Variants in GNG7 observed in about 807,000 individuals in gnomAD.
GNG7 encodes G protein subunit gamma 7.
Under a neutral mutation model 4.0 loss-of-function variants are expected in GNG7, and 1 was observed. The observed-to-expected ratio is 0.25, with a 90% confidence interval of 0.09 to 1.18. The LOEUF is 1.18. GNG7 is among the 50% of genes most tolerant of loss of function. GNG7 has a pLI of 0.50. For synonymous variants in GNG7, 34 were observed against 36.9 expected (o/e 0.92, Z 0.29); for missense variants, 86 against 91.9 (o/e 0.94, Z 0.26).
chr19:2,642,584 T>C (rs1982537528), intron 2 of GNG7: 1 of 359,884 alleles, frequency 2.8e-6, no homozygotes, highest in Non-Finnish European at 5.5e-6. Context: ...TGGGCTGGTC[T>C]CAAACTCTCA....
chr19:2,678,416 G>T (rs1257630241), intron 1 of GNG7, among the ~76,000 whole-genome samples: 4 of 152,188 alleles, frequency 2.6e-5, no homozygotes, highest in African/African-American at 9.7e-5. Flanking sequence ...CTGGGCTTGG[G>T]CACGGAGTCA....
intron 1 of GNG7, among the ~76,000 whole-genome samples, chr19:2,646,814 G>A (rs1308682517): frequency 6.6e-6 from 1 of 152,240 alleles, no homozygotes; most frequent in African/African-American, 2.4e-5. Flanking sequence ...TGCAAGGATT[G>A]ATGTTTCTAC....
chr19:2,554,334 G>A (rs989669685), intron 3 of GNG7, among the ~76,000 whole-genome samples: 1 of 148,726 alleles, frequency 6.7e-6, no homozygotes, highest in African/African-American at 2.5e-5. Flanking sequence ...TGACAGGCAC[G>A]TGCCACCACA....
intron 2 of GNG7, among the ~76,000 whole-genome samples, chr19:2,559,191 T>G (rs1396621846): frequency 6.6e-6 from 1 of 152,122 alleles, no homozygotes; most frequent in African/African-American, 2.4e-5. Context: ...GTTGATTAGA[T>G]TCTCATTATT....
intron 2 of GNG7, among the ~76,000 whole-genome samples, chr19:2,599,780 T>C (rs1330853835): frequency 1.3e-5 from 2 of 151,590 alleles, no homozygotes; most frequent in East Asian, 3.9e-4. Context: ...CTACTAAAAA[T>C]ACAAAAATTA....
intron 1 of GNG7, among the ~76,000 whole-genome samples, chr19:2,656,523 C>T (rs1982979650): frequency 6.6e-6 from 1 of 152,096 alleles, no homozygotes; most frequent in Non-Finnish European, 1.5e-5. Flanking sequence ...AAGCTTGAAC[C>T]CAGGAGGCGG....
chr19:2,640,718 C>T (rs948243670), intron 2 of GNG7, among the ~76,000 whole-genome samples: 5 of 152,010 alleles, frequency 3.3e-5, no homozygotes, highest in South Asian at 4.2e-4. Context: ...CACTCGATCT[C>T]CTAGGCTCAA....
chr19:2,673,965 C>A (rs1474145947), intron 1 of GNG7, among the ~76,000 whole-genome samples: 1 of 151,892 alleles, frequency 6.6e-6, no homozygotes, highest in Non-Finnish European at 1.5e-5. Flanking sequence ...TTCAAAACTA[C>A]CCTAAAAGAA....
chr19:2,550,934 G>GGGCCAGGGGACTT (rs1979297633), intron 3 of GNG7, among the ~76,000 whole-genome samples: 1 of 152,206 alleles, frequency 6.6e-6, no homozygotes, highest in Non-Finnish European at 1.5e-5. Context: ...GCTGGGAACA[G>GGGCCAGGGGACTT]GGCCAGGGGA....
chr19:2,654,322 C>T (rs149123598), intron 1 of GNG7, among the ~76,000 whole-genome samples: 2 of 152,258 alleles, frequency 1.3e-5, no homozygotes, highest in East Asian at 3.9e-4. Context: ...CGAAACAGCA[C>T]GGGTCCCCCT....
At chr19:2,603,466 G>A (rs1031344002) in intron 2 of GNG7, among the ~76,000 whole-genome samples, 2 of 152,244 alleles carry the variant, frequency 1.3e-5, no homozygotes, top group Non-Finnish European at 2.9e-5. Context: ...ACCGGCATCC[G>A]GTGAGACCGC....
At chr19:2,570,471 G>A (rs1376714402) in intron 2 of GNG7, among the ~76,000 whole-genome samples, 1 of 152,164 alleles carries the variant, frequency 6.6e-6, no homozygotes, top group East Asian at 1.9e-4. Context: ...GCCACATGTG[G>A]ATGGGGCCCG....
chr19:2,630,717 T>C (rs562996652), intron 2 of GNG7: 1 of 148,356 alleles, frequency 6.7e-6, no homozygotes, highest in East Asian at 2.1e-4. Context: ...ATCTCCGAGG[T>C]CAGAAGTTTG....
At chr19:2,689,841 T>G (rs1351302375) in intron 1 of GNG7, among the ~76,000 whole-genome samples, 1 of 151,998 alleles carries the variant, frequency 6.6e-6, no homozygotes, top group Non-Finnish European at 1.5e-5. Context: ...CAACACGCTT[T>G]TTCGGTAAGA....
chr19:2,545,520 G>A (rs550559652), intron 3 of GNG7, among the ~76,000 whole-genome samples: 4 of 151,942 alleles, frequency 2.6e-5, no homozygotes, highest in Admixed American at 6.6e-5. Context: ...GCATGGTAGC[G>A]CATGCCTGTA....
At position 2,661,302 on chromosome 19, in the gene GNG7, G is replaced by GAAAGAAAAAGAAAGAA; in HGVS notation, c.-134-15023_-134-15022insTTCTTTCTTTTTCTTT. ...AGAAAGAAAGAAAGAAAGAAAGAAA[G>GAAAGAAAAAGAAAGAA]AGAAAGAAAGAAAGAAAGAAAGAAA... On this transcript the variant is annotated intron_variant, in intron 1 of 4. Coordinates refer to ENST00000382159, the MANE Select transcript of GNG7 (RefSeq NM_052847.3). Among the ~76,000 whole-genome samples, 13 of 73,122 alleles carry GAAAGAAAAAGAAAGAA rather than the reference G, an allele frequency of 1.8e-4. 1 individual carries two copies. Among genetic ancestry groups the GAAAGAAAAAGAAAGAA allele is most frequent in the African/African-American group, 7.0e-4 (13 of 18,500 alleles). The allele number at this position is 73,122 out of a possible 152,430, so 48.0% of individuals were successfully genotyped here.
At chr19:2,655,613 C>G (rs181135433) in intron 1 of GNG7, among the ~76,000 whole-genome samples, 3,863 of 151,662 alleles carry the variant, frequency 0.025, 96 homozygotes, top group Middle Eastern at 0.058. Context: ...CTGAGGTGGG[C>G]GGCTCACAAG....
In GNG7 at chr19:2,637,216, C is replaced by CCCG. The variant is rs1555699238; in HGVS notation, c.-78+9005_-78+9007dup. 6.0e-5 allele frequency among the ~76,000 whole-genome samples: 9 copies of CCCG among 151,048 alleles called. No homozygotes were observed. The East Asian group carries it at 9.7e-4, about 16-fold the overall frequency. ...TCAGAGGCCCCAGGAACAGGCTCCC[C>CCCG]CCGCCCCCGAGCCCGGCCCGTCTTT... is the stretch of plus-strand genomic sequence containing the variant. On this transcript the variant is annotated intron_variant, in intron 2 of 4. Transcript: ENST00000382159.
rs891317328 is a variant in GNG7, at chr19:2,515,182, A to G, written c.82-35T>C. On this transcript the variant is annotated intron_variant, in intron 4 of 4. Coordinates refer to ENST00000382159, the MANE Select transcript of GNG7 (RefSeq NM_052847.3). ...AGCACAAGGAGGAGACAGAGGAGAC[A>G]TAAGAAGAGGCTGGCACACCCGGGT... The G allele has an allele frequency of 5.0e-6, 8 of 1,611,518 alleles. No individual in the cohort carries two copies. The African/African-American group carries it at 5.3e-5, about 11-fold the overall frequency.
Sources: gnomAD v4.1 joint callset for allele counts (sites outside exome capture counted in the v4.1 genomes callset) on GRCh38, gnomAD v4.1.1 for gene constraint, MANE v1.5 for transcripts, NCBI Gene and HGNC (gene_info 2026-07-23, HGNC 2026-07-21) for gene names.